Variants in ERBB4 observed in about 807,000 individuals in gnomAD.
ERBB4 encodes the protein erb-b2 receptor tyrosine kinase 4.
In ERBB4, 42 loss-of-function variants were observed where a neutral mutation model predicts 158.0. The observed-to-expected ratio is 0.27, with a 90% CI of 0.21 to 0.34. The LOEUF (loss-of-function observed/expected upper bound fraction) is 0.34. ERBB4 is among the 10% of genes least tolerant of loss of function. ERBB4 has a pLI of 1.00. For synonymous variants in ERBB4, 583 were observed against 558.7 expected, an observed-to-expected ratio of 1.04 and a Z score of -0.61; for missense variants, 1,333 against 1,624.1, an observed-to-expected ratio of 0.82 and a Z score of 3.08.
intron 1 of ERBB4, among the ~76,000 whole-genome samples, chr2:212,483,995 CAA>C (rs1689849824): frequency 6.6e-6 from 1 of 152,146 alleles, no homozygotes; most frequent in African/African-American, 2.4e-5. Flanking sequence ...CTCGGCCTCC[CAA>C]AGTGTTAGGA....
intron 1 of ERBB4, among the ~76,000 whole-genome samples, chr2:212,369,049 T>G (rs895734069): frequency 6.6e-6 from 1 of 152,168 alleles, no homozygotes; most frequent in Non-Finnish European, 1.5e-5. Context: ...TAGGACTCAT[T>G]AAGTTTCTAA....
At chr2:212,117,293 G>T (rs925130414) in intron 2 of ERBB4, among the ~76,000 whole-genome samples, 1 of 152,054 alleles carries the variant, frequency 6.6e-6, no homozygotes, top group Non-Finnish European at 1.5e-5. Flanking sequence ...AAAACAGAAA[G>T]AATTAAAGAA....
chr2:212,123,335 G>A (rs1266474669), intron 2 of ERBB4, among the ~76,000 whole-genome samples: 13 of 152,172 alleles, frequency 8.5e-5, no homozygotes, highest in Admixed American at 2.0e-4. Context: ...CTCGTGAGGC[G>A]GAGGTTGCAA....
chr2:212,446,982 A>G (rs1015880719), intron 1 of ERBB4, among the ~76,000 whole-genome samples: 15 of 149,930 alleles, frequency 1.0e-4, no homozygotes, highest in African/African-American at 3.7e-4. Context: ...ATACTAATTA[A>G]TACCAAATTT....
At chr2:212,127,581 G>A (rs1212612195) in intron 1 of ERBB4, among the ~76,000 whole-genome samples, 2 of 152,152 alleles carry the variant, frequency 1.3e-5, no homozygotes, top group Non-Finnish European at 2.9e-5. Flanking sequence ...AACAGAGCGA[G>A]ACTCCATCTC....
At chr2:212,445,296 AT>A (rs1202412971) in intron 1 of ERBB4, among the ~76,000 whole-genome samples, 1 of 152,148 alleles carries the variant, frequency 6.6e-6, no homozygotes, top group Non-Finnish European at 1.5e-5. Context: ...GGGTCCAGGA[AT>A]CAAGGGGTAG....
chr2:211,554,406 G>T (rs1223039235), intron 20 of ERBB4, among the ~76,000 whole-genome samples: 1 of 152,160 alleles, frequency 6.6e-6, no homozygotes, highest in Middle Eastern at 3.2e-3. Flanking sequence ...GATCTACATG[G>T]ACTCATTCAT....
At chr2:211,544,469 G>A (rs952353873) in intron 20 of ERBB4, among the ~76,000 whole-genome samples, 1 of 151,966 alleles carries the variant, frequency 6.6e-6, no homozygotes. Flanking sequence ...CTGTGGAAAC[G>A]CTTGGGTCGA....
intron 19 of ERBB4, among the ~76,000 whole-genome samples, chr2:211,568,890 C>T (rs1417086445): frequency 6.6e-6 from 1 of 152,074 alleles, no homozygotes; most frequent in Non-Finnish European, 1.5e-5. Context: ...TTTTTACTAA[C>T]TTGCTTTGCT....
At chr2:212,123,245 CA>C (rs1169055694) in intron 2 of ERBB4, among the ~76,000 whole-genome samples, 3 of 151,980 alleles carry the variant, frequency 2.0e-5, no homozygotes, top group Admixed American at 6.6e-5. Context: ...TCCACTAAAG[CA>C]CAAAAAATTA....
chr2:211,413,312 ACACAC>A lies in ERBB4; in HGVS notation c.3135+7124_3135+7128del, dbSNP rs1559142136. Among the ~76,000 whole-genome samples the A allele has an allele frequency of 1.3e-3, 116 of 89,858 alleles. 4 individuals are homozygous for A. The highest frequency in any genetic ancestry group is 2.0e-3 in the Non-Finnish European group (74 of 37,570). The allele number at this position is 89,858 out of a possible 152,430, so 59.0% of individuals were successfully genotyped here. A position where few individuals can be genotyped will look rare whatever the true frequency, so the allele number is the denominator to read the frequency against. The stretch of plus-strand genomic sequence containing the variant: ...CAGAGAGAGACCCTGTCTTAAAAAC[ACACAC>A]ACACACACACACACACACACACACA... On this transcript the variant is annotated intron_variant, in intron 25 of 27. Transcript: ENST00000342788.
chr2:211,434,658 G>T (rs1313635477), intron 20 of ERBB4, among the ~76,000 whole-genome samples: 2 of 152,084 alleles, frequency 1.3e-5, no homozygotes, highest in African/African-American at 4.8e-5. Flanking sequence ...TATACACAAA[G>T]CCTCAGCAAG....
intron 1 of ERBB4, among the ~76,000 whole-genome samples, chr2:212,347,609 T>C (rs1364613231): frequency 6.6e-6 from 1 of 152,144 alleles, no homozygotes; most frequent in Non-Finnish European, 1.5e-5. Context: ...GATATTTGAT[T>C]GTCTAAAATT....
intron 1 of ERBB4, among the ~76,000 whole-genome samples, chr2:212,183,777 C>T (rs1034979720): frequency 6.6e-6 from 1 of 152,002 alleles, no homozygotes; most frequent in African/African-American, 2.4e-5. Flanking sequence ...ATCTGCCAAA[C>T]CAAGTGACCA....
intron 1 of ERBB4, among the ~76,000 whole-genome samples, chr2:212,503,385 A>G (rs1399466112): frequency 6.6e-6 from 1 of 152,226 alleles, no homozygotes; most frequent in Non-Finnish European, 1.5e-5. Context: ...ATCCAGTAAT[A>G]ATATAGCCTC....
chr2:211,561,391 T>G (rs2067387874), intron 20 of ERBB4, among the ~76,000 whole-genome samples: 1 of 152,200 alleles, frequency 6.6e-6, no homozygotes, highest in Non-Finnish European at 1.5e-5. Flanking sequence ...CTTATATATG[T>G]GACATGCCTA....
chr2:212,527,488 C>G (rs1289175904), intron 1 of ERBB4, among the ~76,000 whole-genome samples: 8 of 152,004 alleles, frequency 5.3e-5, no homozygotes, highest in African/African-American at 2.4e-5. Flanking sequence ...CCAAAATTCA[C>G]AGTTAATGGA....
rs1308853833 is a variant in ERBB4, at chr2:211,382,037, G to A, written c.*1578C>T. The A allele has an allele frequency of 8.3e-5, 19 of 229,228 alleles. No homozygotes were observed. The highest frequency in any genetic ancestry group is 2.6e-5 in the Non-Finnish European group (3 of 115,650). 14.2% of individuals were successfully genotyped at this position (229,228 alleles called of 1,614,324 possible). ...ACTGGATGCAGTATATGAAGAAAGG[G>A]AATTATATAAAGTATCAAAAGATTA... On this transcript the variant is annotated 3_prime_UTR_variant, in exon 28 of 28. Coordinates refer to ENST00000342788, the MANE Select transcript of ERBB4 (RefSeq NM_005235.3).
chr2:211,399,032 G>T (rs368219090), intron 25 of ERBB4, among the ~76,000 whole-genome samples: 1 of 151,976 alleles, frequency 6.6e-6, no homozygotes, highest in South Asian at 2.1e-4. Flanking sequence ...TCTCACCTCC[G>T]ACCTCTGTCC....
Sources: gnomAD v4.1 joint callset for allele counts (sites outside exome capture counted in the v4.1 genomes callset) on GRCh38, gnomAD v4.1.1 for gene constraint, MANE v1.5 for transcripts, NCBI Gene and HGNC (gene_info 2026-07-23, HGNC 2026-07-21) for gene names.